The following ERBIN variants were observed in gnomAD, a reference collection of about 807,000 sequenced individuals.
ERBIN encodes the protein densin-180-like protein.
A neutral mutation model predicts 158.4 loss-of-function variants in ERBIN; 60 were observed. That is an observed-to-expected ratio of 0.38 (90% CI 0.31 to 0.47). ERBIN has a LOEUF of 0.47. ERBIN is among the 20% of genes least tolerant of loss of function. ERBIN has a pLI of 0.99. For missense variants in ERBIN, 1,610 were observed against 1,648.0 expected (o/e 0.98, Z 0.40); for synonymous variants, 594 against 557.2 (o/e 1.07, Z -0.93).
chr5:65,952,929 A>T (rs370932740), intron 1 of ERBIN, among the ~76,000 whole-genome samples: 2 of 152,224 alleles, frequency 1.3e-5, no homozygotes, highest in African/African-American at 4.8e-5. Context: ...TTTAAAAGTT[A>T]TAAATCAATC....
chr5:66,062,744 G>C (rs533853621), intron 21 of ERBIN, among the ~76,000 whole-genome samples: 25 of 152,286 alleles, frequency 1.6e-4, no homozygotes, highest in African/African-American at 5.8e-4. Flanking sequence ...CTGTTTGTTA[G>C]TTTTCCTTCT....
rs73763069 is a variant in ERBIN at position 66,025,651 on chromosome 5, T to G, written c.890+99T>G. The G allele has an allele frequency of 9.6e-3, 9,904 of 1,031,956 alleles. 656 individuals carry two copies. In the African/African-American group the frequency reaches 0.14, roughly 15 times the overall value. The allele number at this position is 1,031,956 out of a possible 1,614,324, so 63.9% of individuals were successfully genotyped here. On this transcript the variant is annotated intron_variant, in intron 11 of 25. Coordinates refer to ENST00000284037, the MANE Select transcript of ERBIN (RefSeq NM_001253697.2). Reference sequence around the variant, plus strand: ...ATTTGCATAAATGACCTAAAGATTTTGTAAACATTTAAGTAATTAGTATAC... The same window carrying G: ...ATTTGCATAAATGACCTAAAGATTTGGTAAACATTTAAGTAATTAGTATAC...
intron 1 of ERBIN, among the ~76,000 whole-genome samples, chr5:65,965,562 T>TGGCTAATG (rs1748510148): frequency 5.0e-5 from 1 of 20,018 alleles, no homozygotes; most frequent in Admixed American, 2.9e-4. Flanking sequence ...GTGCTACCAT[T>TGGCTAATG]TTTGTATTTT....
intron 23 of ERBIN, chr5:66,076,005 C>T: frequency 3.5e-6 from 1 of 289,474 alleles, no homozygotes; most frequent in Non-Finnish European, 6.4e-6. Flanking sequence ...TGTTTATGTA[C>T]TATGTCATAT....
chr5:66,020,528 A>G (rs559498636), intron 7 of ERBIN, among the ~76,000 whole-genome samples: 4 of 152,136 alleles, frequency 2.6e-5, no homozygotes, highest in East Asian at 3.9e-4. Flanking sequence ...TTATCTGGGT[A>G]ACTGGTTACA....
intron 21 of ERBIN, among the ~76,000 whole-genome samples, chr5:66,063,133 C>T (rs1286525081): frequency 6.6e-6 from 1 of 152,228 alleles, no homozygotes; most frequent in Non-Finnish European, 1.5e-5. Context: ...GCCCTGCCCC[C>T]AGAGGTGGAG....
In ERBIN at chr5:66,053,798, A is replaced by C. The variant is rs745376843; in HGVS notation, c.2480A>C (p.Glu827Ala). 4 of 1,613,952 alleles carry C rather than the reference A, an allele frequency of 2.5e-6. No individual in the cohort carries two copies. The South Asian group carries it at 4.4e-5, about 18-fold the overall frequency. Residue 827 changes from glutamate to alanine, a missense_variant, in exon 21 of 26, where the codon GAG becomes GCG. Glu to Ala is a moderately radical substitution (Grantham distance 107). Transcript: ENST00000284037. ...ESVNKVNGHS[E>A]ETSQSPNRTE... ...GTAAATAAGGTAAATGGACATTCTGAGGAAACTTCCCAGTCTCCTAATAGG... is the reference window on the plus strand; with the variant it reads ...GTAAATAAGGTAAATGGACATTCTGCGGAAACTTCCCAGTCTCCTAATAGG...
rs201231847 is a variant in ERBIN at position 65,994,860 on chromosome 5, G to C, written c.303G>C (p.Lys101Asn). 6 of 1,584,990 alleles carry C rather than the reference G, an allele frequency of 3.8e-6. No homozygotes were observed. The highest frequency in any genetic ancestry group is 5.2e-6 in the Non-Finnish European group (6 of 1,163,354). The change falls in exon 4 of 26, where the codon AAG (lysine) becomes AAC (asparagine). Residue 101 changes from lysine to asparagine, a missense_variant. Physicochemically the swap from Lys to Asn is moderately conservative, Grantham distance 94. Coordinates refer to ENST00000284037, the MANE Select transcript of ERBIN (RefSeq NM_001253697.2). ...LINLRELDVS[K>N]NGIQEFPENI... Reference sequence around the variant, plus strand: ...ATCTCAGGGAACTGGATGTCAGCAAGAATGGTAAGGCTTTTTTTGCCCATA... The same window carrying C: ...ATCTCAGGGAACTGGATGTCAGCAACAATGGTAAGGCTTTTTTTGCCCATA...
chr5:66,073,364 G>T (rs1761699942), intron 22 of ERBIN, among the ~76,000 whole-genome samples: 1 of 152,156 alleles, frequency 6.6e-6, no homozygotes, highest in Non-Finnish European at 1.5e-5. Flanking sequence ...GGGCAAATCA[G>T]TTGCATTAAA....
At chr5:65,933,759 C>T (rs1284723041) in intron 1 of ERBIN, among the ~76,000 whole-genome samples, 1 of 152,052 alleles carries the variant, frequency 6.6e-6, no homozygotes, top group Non-Finnish European at 1.5e-5. Context: ...GTATACCCCT[C>T]CCAGGTTTTC....
chr5:66,042,924 A>G (rs1357120033), intron 15 of ERBIN, among the ~76,000 whole-genome samples, 153 bp from the exon 16 acceptor site: 1 of 152,182 alleles, frequency 6.6e-6, no homozygotes, highest in African/African-American at 2.4e-5. Context: ...GAATCGGCCA[A>G]CGCATTAGGA....
At chr5:66,072,385 C>T (rs1029947725) in intron 22 of ERBIN, 94 bp downstream of exon 22, 85 of 1,263,072 alleles carry the variant, frequency 6.7e-5, no homozygotes, top group Admixed American at 9.9e-5. Context: ...GATGAAAATA[C>T]TTTTTTGAGG....
chr5:65,992,010 A>T (rs1031539010), intron 2 of ERBIN, among the ~76,000 whole-genome samples: 6 of 152,218 alleles, frequency 3.9e-5, no homozygotes, highest in African/African-American at 7.2e-5. Flanking sequence ...TCGCATTCCC[A>T]CTTCCTACTC....
At position 66,054,864 on chromosome 5, in the gene ERBIN, T is replaced by C. The variant is rs1460342855; in HGVS notation, c.3546T>C (p.Ser1182=). 5 of 1,614,014 alleles carry C rather than the reference T, an allele frequency of 3.1e-6. No homozygotes were observed. The African/African-American group carries it at 5.3e-5, about 17-fold the overall frequency. Residue 1182 remains serine, a synonymous_variant, in exon 21 of 26, where the codon TCT becomes TCC. Coordinates refer to ENST00000284037, the MANE Select transcript of ERBIN (RefSeq NM_001253697.2). ...ATGCAAGGGTTGGTTCTGAGCATTC[T>C]TTATTAGATCCTCCAGGAAAAAGTA... is the stretch of plus-strand genomic sequence containing the variant. ...RPNARVGSEH[S]LLDPPGKSKV...
chr5:65,966,399 G>A (rs1233810206), intron 1 of ERBIN, among the ~76,000 whole-genome samples: 1 of 152,154 alleles, frequency 6.6e-6, no homozygotes, highest in Non-Finnish European at 1.5e-5. Context: ...TAAAAAGGTA[G>A]GCCGGGCATG....
intron 1 of ERBIN, among the ~76,000 whole-genome samples, chr5:65,932,937 T>C (rs1743621203): frequency 6.6e-6 from 1 of 152,112 alleles, no homozygotes; most frequent in Admixed American, 6.5e-5. Flanking sequence ...ACTATAGGCA[T>C]GCACCACCAT....
intron 2 of ERBIN, among the ~76,000 whole-genome samples, chr5:65,989,055 ATTAGAAGATTCTT>A (rs1315230216): frequency 5.0e-4 from 7 of 14,034 alleles, no homozygotes; most frequent in Non-Finnish European, 4.6e-3. Flanking sequence ...CTTCGTTGTG[ATTAGAAGATTCTT>A]ATGTCTACAG....
At chr5:66,029,092 T>C (rs575601361) in intron 14 of ERBIN, among the ~76,000 whole-genome samples, 1 of 152,308 alleles carries the variant, frequency 6.6e-6, no homozygotes, top group African/African-American at 2.4e-5. Flanking sequence ...TTTGCTATTG[T>C]GAATTCTGCT....
chr5:65,977,360 CG>C (rs1280426646), intron 1 of ERBIN, among the ~76,000 whole-genome samples: 10 of 150,472 alleles, frequency 6.6e-5, no homozygotes, highest in African/African-American at 1.2e-4. Context: ...ACTTCCCAGA[CG>C]GGGTGGCTGC....
Sources: allele counts gnomAD v4.1 joint callset (sites outside exome capture counted in the v4.1 genomes callset), GRCh38; gene constraint gnomAD v4.1.1; transcripts MANE v1.5; gene names NCBI Gene and HGNC (gene_info 2026-07-23, HGNC 2026-07-21).